Variants in PDZD7 observed in about 807,000 individuals in gnomAD.
PDZD7 encodes PDZ domain containing 7.
PDZD7 carries 72 observed loss-of-function variants against 84.7 expected under a neutral mutation model. The observed-to-expected ratio is 0.85, with a 90% confidence interval of 0.70 to 1.03. The LOEUF is 1.03. PDZD7 is among the 50% of genes least tolerant of loss of function. The pLI is 0.00. For missense variants in PDZD7, 1,490 were observed against 1,412.9 expected, an observed-to-expected ratio of 1.05 and a Z score of -0.87; for synonymous variants, 594 against 580.7, an observed-to-expected ratio of 1.02 and a Z score of -0.33.
At chr10:101,023,285 T>A in intron 4 of PDZD7, 151 bp downstream of exon 4, 1 of 847,092 alleles carries the variant, frequency 1.2e-6, no homozygotes, top group South Asian at 1.5e-5. Context: ...AGCCTCTCCT[T>A]ATTTTGAGGT....
chr10:101,008,067 T>G lies in PDZD7; in HGVS notation c.*400A>C. On this transcript the variant is annotated 3_prime_UTR_variant, in exon 17 of 17. Coordinates refer to ENST00000619208, the MANE Select transcript of PDZD7 (RefSeq NM_001195263.2). ...CCGTTTCCTTGCACAGAATGCTGCT[T>G]GGGGTTGAGGAATGGATGCATTGAC... 1 of 217,092 alleles carries G rather than the reference T, an allele frequency of 4.6e-6. No individual in the cohort carries two copies. The highest frequency in any genetic ancestry group is 9.1e-6 in the Non-Finnish European group (1 of 109,516). 13.4% of individuals were successfully genotyped at this position (217,092 alleles called of 1,614,324 possible).
intron 5 of PDZD7, 125 bp from the exon 6 acceptor site, chr10:101,022,070 C>T (rs1853140248): frequency 1.3e-6 from 2 of 1,546,152 alleles, no homozygotes; most frequent in African/African-American, 1.4e-5. Context: ...ACTGGGGCCT[C>T]CCGCCCCCTC....
chr10:101,009,643 T>C (rs1388526855), intron 15 of PDZD7, among the ~76,000 whole-genome samples: 1 of 147,448 alleles, frequency 6.8e-6, no homozygotes, highest in African/African-American at 2.5e-5. Flanking sequence ...GTTTCACTCT[T>C]GTTGCCCAGG....
chr10:101,021,672 C>T, intron 6 of PDZD7, 126 bp downstream of exon 6: 1 of 1,425,812 alleles, frequency 7.0e-7, no homozygotes. Flanking sequence ...GGGATGAGAA[C>T]AATGCCTGTC....
chr10:101,010,300 C>CA lies in PDZD7; in HGVS notation c.2588dup (p.Thr864AspfsTer18). On this transcript the variant is annotated frameshift_variant, in exon 15 of 17. Coordinates refer to ENST00000619208, the MANE Select transcript of PDZD7 (RefSeq NM_001195263.2). LOFTEE classifies it high-confidence loss of function. ...AGGACTGCTTCATCTTGGACAGTGT[C>CA]ACTGTCTTCAGCTCGCCACTGGGGT... 1 of 1,534,510 alleles carries CA rather than the reference C, an allele frequency of 6.5e-7. No individual in the cohort carries two copies. Among genetic ancestry groups the CA allele is most frequent in the Non-Finnish European group, 8.7e-7 (1 of 1,145,460 alleles).
In PDZD7 at chr10:101,008,224, A is replaced by T; in HGVS notation, c.*243T>A. The T allele has an allele frequency of 1.9e-6, 1 of 517,346 alleles. No homozygotes were observed. Among genetic ancestry groups the T allele is most frequent in the Non-Finnish European group, 3.4e-6 (1 of 296,230 alleles). 32.0% of individuals were successfully genotyped at this position (517,346 alleles called of 1,614,324 possible). A position where few individuals can be genotyped will look rare whatever the true frequency, so the allele number is the denominator to read the frequency against. ...TTCTCACCCCCTATCCTGGCTTGGGAGGTTGGGGAGCAGTGAGTGCAGGTG... is the reference window on the plus strand; with the variant it reads ...TTCTCACCCCCTATCCTGGCTTGGGTGGTTGGGGAGCAGTGAGTGCAGGTG... On this transcript the variant is annotated 3_prime_UTR_variant, in exon 17 of 17. Coordinates refer to ENST00000619208, the MANE Select transcript of PDZD7 (RefSeq NM_001195263.2).
intron 16 of PDZD7, 61 bp downstream of exon 16, chr10:101,009,189 C>G: frequency 7.1e-7 from 1 of 1,412,742 alleles, no homozygotes; most frequent in Non-Finnish European, 9.6e-7. Flanking sequence ...ATGGCCAGCC[C>G]CACCTCCTGC....
chr10:101,011,878 C>A lies in PDZD7; in HGVS notation c.1933+47G>T, dbSNP rs754678230. 6 of 1,549,280 alleles carry A rather than the reference C, an allele frequency of 3.9e-6. No individual in the cohort carries two copies. In the African/African-American group the frequency reaches 5.5e-5, roughly 14 times the overall value. On this transcript the variant is annotated intron_variant, in intron 13 of 16. Transcript: ENST00000619208. ...TCTCCACCACGGGGTCCCATCCCCA[C>A]CCCCAGCAGGGCTCAGGACCCAGAA...
intron 11 of PDZD7, among the ~76,000 whole-genome samples, chr10:101,013,571 T>C (rs191946005): frequency 6.6e-6 from 1 of 152,114 alleles, no homozygotes; most frequent in Non-Finnish European, 1.5e-5. Flanking sequence ...AACGAGTAGA[T>C]AGTGGTTTAA....
At chr10:101,029,596 G>A (rs1937944885) in intron 2 of PDZD7, among the ~76,000 whole-genome samples, 2 of 152,220 alleles carry the variant, frequency 1.3e-5, no homozygotes, top group South Asian at 4.1e-4. Flanking sequence ...CAATGGACTG[G>A]TTGATGGAGG....
chr10:101,019,099 GA>G lies in PDZD7; in HGVS notation c.1046del (p.Ile349ThrfsTer90). 1 of 1,561,716 alleles carries G rather than the reference GA, an allele frequency of 6.4e-7. No homozygotes were observed. Among genetic ancestry groups the G allele is most frequent in the Non-Finnish European group, 8.6e-7 (1 of 1,160,712 alleles). ...SGSLPSDRMD[I>X]CLGQEEPGSR... is the part of the protein sequence containing the mutation. ...TGCCGGGCTCCTCCTGCCCGAGGCAGATGTCCATGCGGTCCGACGGCAGGGA... is the reference window on the plus strand; with the variant it reads ...TGCCGGGCTCCTCCTGCCCGAGGCAGTGTCCATGCGGTCCGACGGCAGGGA... On this transcript the variant is annotated frameshift_variant, in exon 8 of 17. Coordinates refer to ENST00000619208, the MANE Select transcript of PDZD7 (RefSeq NM_001195263.2). LOFTEE classifies it high-confidence loss of function.
chr10:101,009,116 A>G, intron 16 of PDZD7, 134 bp downstream of exon 16: 1 of 854,042 alleles, frequency 1.2e-6, no homozygotes, highest in Non-Finnish European at 1.8e-6. Flanking sequence ...TGCTCACCTG[A>G]ACCCCCTCAC....
chr10:101,030,557 G>A (rs1938076682), intron 1 of PDZD7, 173 bp from the exon 2 acceptor site: 2 of 493,960 alleles, frequency 4.0e-6, no homozygotes, highest in Non-Finnish European at 7.5e-6. Flanking sequence ...TTGGACTCTC[G>A]CTGACTTTAT....
chr10:101,013,749 C>T (rs1184991852), intron 11 of PDZD7, among the ~76,000 whole-genome samples: 2 of 151,746 alleles, frequency 1.3e-5, no homozygotes, highest in African/African-American at 2.4e-5. Context: ...GGGAGGACCT[C>T]GAATGTGAGA....
At chr10:101,030,931 T>G (rs1938129054) in intron 1 of PDZD7, 142 bp downstream of exon 1, 1 of 154,686 alleles carries the variant, frequency 6.5e-6, no homozygotes, top group African/African-American at 2.4e-5. Flanking sequence ...TTGGGGAGGA[T>G]CTGCTGGAGA....
At chr10:101,016,936 C>T (rs901897717) in intron 9 of PDZD7, among the ~76,000 whole-genome samples, 1 of 152,098 alleles carries the variant, frequency 6.6e-6, no homozygotes, top group African/African-American at 2.4e-5. Flanking sequence ...AACATCCCAC[C>T]CCAGGGCAAA....
Position 101,030,179 on chromosome 10 carries a change from A to G in PDZD7, c.41T>C (p.Leu14Pro). The G allele has an allele frequency of 6.2e-7, 1 of 1,613,542 alleles. No individual in the cohort carries two copies. The highest frequency in any genetic ancestry group is 8.5e-7 in the Non-Finnish European group (1 of 1,179,898). Residue 14 changes from leucine (L) to proline (P), a missense_variant, in exon 2 of 17, where the codon CTA (leucine) becomes CCA (proline). Coordinates refer to ENST00000619208, the MANE Select transcript of PDZD7 (RefSeq NM_001195263.2). ...GFAVGFDPLG[L>P]GDLSSGSLSS... ...CAGAGAGCCGGAGCTCAGGTCTCCTAGGCCCAGTGGGTCGAAGCCCACTGC... is the reference window on the plus strand; with the variant it reads ...CAGAGAGCCGGAGCTCAGGTCTCCTGGGCCCAGTGGGTCGAAGCCCACTGC...
rs1852361583 is a variant in PDZD7 at position 101,010,572 on chromosome 10, G to A, written c.2317C>T (p.Arg773Cys). ...CGGCTGCGGCTACGGCTGCGGCTAC[G>A]GCTCTGAGCCCGGCCCCGGATCTGG... ...QSQIRGRAQS[R>C]SRSRSRSRSR... The change falls in exon 15 of 17, where the codon CGT becomes TGT. Residue 773 changes from arginine (R) to cysteine (C), a missense_variant. By Grantham distance (180) the Arg-to-Cys change is radical (BLOSUM62 -3). Coordinates refer to ENST00000619208, the MANE Select transcript of PDZD7 (RefSeq NM_001195263.2). 3.9e-6 allele frequency: 6 copies of A among 1,520,026 alleles called. No homozygotes were observed. Among genetic ancestry groups the A allele is most frequent in the Non-Finnish European group, 5.3e-6 (6 of 1,136,248 alleles). 94.2% of individuals were successfully genotyped at this position (1,520,026 alleles called of 1,614,324 possible). A position where few individuals can be genotyped will look rare whatever the true frequency, so the allele number is the denominator to read the frequency against.
chr10:101,008,710 GCTGGGCCCGGGGACC>G lies in PDZD7; in HGVS notation c.2844_2858del (p.Arg948_Pro952del). Reference sequence around the variant, plus strand: ...ATGAGTCAGAGGGTGAGGGCCGTGGGCTGGGCCCGGGGACCCTGACCACAAGCTCCATGGGCTCCC... The same window carrying G: ...ATGAGTCAGAGGGTGAGGGCCGTGGGCTGACCACAAGCTCCATGGGCTCCC... On this transcript the variant is annotated inframe_deletion, in exon 17 of 17. Coordinates refer to ENST00000619208, the MANE Select transcript of PDZD7 (RefSeq NM_001195263.2). The G allele has an allele frequency of 6.5e-7, 1 of 1,535,998 alleles. No homozygotes were observed. Among genetic ancestry groups the G allele is most frequent in the Admixed American group, 2.0e-5 (1 of 50,992 alleles).
Sources: allele counts gnomAD v4.1 joint callset (sites outside exome capture counted in the v4.1 genomes callset), GRCh38; gene constraint gnomAD v4.1.1; transcripts MANE v1.5; gene names NCBI Gene and HGNC (gene_info 2026-07-23, HGNC 2026-07-21).